TUSC3: variants seen among roughly 807,000 people sequenced by gnomAD.
TUSC3 encodes the protein tumor suppressor candidate 3, also known as dolichyl-diphosphooligosaccharide--protein glycosyltransferase subunit TUSC3.
A neutral mutation model predicts 44.8 loss-of-function variants in TUSC3; 45 were observed. The observed-to-expected ratio is 1.00, with a 90% CI of 0.79 to 1.29. TUSC3 has a LOEUF of 1.29. TUSC3 is among the 50% of genes most tolerant of loss of function. TUSC3 has a pLI of 0.00. For missense variants in TUSC3, 519 were observed against 437.9 expected, an observed-to-expected ratio of 1.19 and a Z score of -1.65; for synonymous variants, 212 against 152.9, an observed-to-expected ratio of 1.39 and a Z score of -2.85.
At chr8:15,736,018 A>G (rs112615339) in intron 7 of TUSC3, among the ~76,000 whole-genome samples, 3,642 of 151,754 alleles carry the variant, frequency 0.024, 142 homozygotes, top group African/African-American at 0.083. Flanking sequence ...ATGAGCCACC[A>G]CGCCCGGCGA....
chr8:15,657,610 C>A (rs1037832232), intron 3 of TUSC3, among the ~76,000 whole-genome samples: 1 of 152,190 alleles, frequency 6.6e-6, no homozygotes, highest in African/African-American at 2.4e-5. Flanking sequence ...TGCACCTCCC[C>A]TCTTCTTCTG....
intron 5 of TUSC3, among the ~76,000 whole-genome samples, chr8:15,669,385 A>G (rs754200889): frequency 2.0e-5 from 3 of 151,816 alleles, no homozygotes; most frequent in South Asian, 2.1e-4. Flanking sequence ...AAGTGCCTCT[A>G]TTGTCTGAAG....
chr8:15,773,166 A>T, the TUSC3 span, among the ~76,000 whole-genome samples: 1 of 152,322 alleles, frequency 6.6e-6, no homozygotes, highest in Non-Finnish European at 1.5e-5. Flanking sequence ...AAAGACAACC[A>T]AATTGGAAAG....
At chr8:15,828,562 C>G in the TUSC3 span, among the ~76,000 whole-genome samples, 1 of 152,186 alleles carries the variant, frequency 6.6e-6, no homozygotes, top group East Asian at 1.9e-4. Flanking sequence ...TTGGTTTGTT[C>G]ATATCTTTAC....
chr8:15,713,066 T>G (rs1426101485), intron 6 of TUSC3, among the ~76,000 whole-genome samples: 1 of 152,208 alleles, frequency 6.6e-6, no homozygotes, highest in Non-Finnish European at 1.5e-5. Flanking sequence ...ATATTTTTGC[T>G]TTTCTTTAAA....
intron 1 of TUSC3, among the ~76,000 whole-genome samples, chr8:15,612,422 A>G (rs1410514356): frequency 1.3e-5 from 2 of 152,126 alleles, no homozygotes; most frequent in African/African-American, 2.4e-5. Flanking sequence ...GGAATGAACC[A>G]TTGTATTACG....
the TUSC3 span, among the ~76,000 whole-genome samples, chr8:15,780,813 C>T: frequency 6.6e-6 from 1 of 151,560 alleles, no homozygotes; most frequent in Admixed American, 6.6e-5. Flanking sequence ...TGCTAAATCT[C>T]CTAGCTCTAG....
intron 2 of TUSC3, among the ~76,000 whole-genome samples, chr8:15,634,953 A>G (rs1276320739): frequency 6.6e-6 from 1 of 152,194 alleles, no homozygotes; most frequent in East Asian, 1.9e-4. Context: ...GCTTAGTGTG[A>G]AGTACACTCA....
chr8:15,686,672 T>C (rs993336559), intron 6 of TUSC3, among the ~76,000 whole-genome samples: 2 of 152,136 alleles, frequency 1.3e-5, no homozygotes, highest in Non-Finnish European at 2.9e-5. Flanking sequence ...ATAATTATTA[T>C]ATTTTCAACA....
chr8:15,730,652 G>A lies in TUSC3; in HGVS notation c.799-14G>A. 1 of 1,612,146 alleles carries A rather than the reference G, an allele frequency of 6.2e-7. No homozygotes were observed. Among genetic ancestry groups the A allele is most frequent in the Non-Finnish European group, 8.5e-7 (1 of 1,178,908 alleles). ...CTTTCTCAGACTGTAATTTCTGTTTGTCTTCTTTTATAGAGCTACATTCAT... is the reference window on the plus strand; with the variant it reads ...CTTTCTCAGACTGTAATTTCTGTTTATCTTCTTTTATAGAGCTACATTCAT... On this transcript the variant is annotated splice_polypyrimidine_tract_variant and intron_variant, in intron 6 of 10. Coordinates refer to ENST00000503731, the MANE Select transcript of TUSC3 (RefSeq NM_006765.4).
intron 6 of TUSC3, among the ~76,000 whole-genome samples, chr8:15,711,798 T>G (rs1386038393): frequency 6.6e-6 from 1 of 151,910 alleles, no homozygotes; most frequent in Non-Finnish European, 1.5e-5. Context: ...AGCTTTCCAC[T>G]TGAGAATTTT....
chr8:15,669,859 C>T (rs1407791848), intron 5 of TUSC3, among the ~76,000 whole-genome samples: 1 of 151,494 alleles, frequency 6.6e-6, no homozygotes, highest in Non-Finnish European at 1.5e-5. Flanking sequence ...CACACACATC[C>T]CGGTAAAAAT....
the TUSC3 span, among the ~76,000 whole-genome samples, chr8:15,800,177 C>G: frequency 3.9e-5 from 6 of 152,178 alleles, no homozygotes; most frequent in African/African-American, 1.4e-4. Flanking sequence ...ATCAGTGCCA[C>G]GCTCACAAAA....
intron 2 of TUSC3, among the ~76,000 whole-genome samples, chr8:15,509,700 A>C (rs60804030): frequency 0.13 from 19,635 of 152,150 alleles, 1,354 homozygotes; most frequent in East Asian, 0.19. Context: ...TGTACTTCTT[A>C]ATATTTTGGA....
chr8:15,473,971 C>T (rs957414354), intron 1 of TUSC3, among the ~76,000 whole-genome samples: 2 of 152,178 alleles, frequency 1.3e-5, no homozygotes, highest in Admixed American at 6.5e-5. Flanking sequence ...GAGACCAGGG[C>T]GTATTTTGGT....
intron 8 of TUSC3, 54 bp from the exon 9 acceptor site, chr8:15,748,321 G>T: frequency 7.8e-7 from 1 of 1,275,614 alleles, no homozygotes; most frequent in Non-Finnish European, 1.1e-6. Context: ...ATAAACAATT[G>T]GGGTTTCATT....
rs375118908 is a variant in TUSC3 at position 15,483,816 on chromosome 8, C to T, written n.189+333C>T. ...GACTACAGGCGCCAGCCACAATGCC[C>T]GGCTAATTTTTTTTGTATTTTTAGT... On this transcript the variant is annotated intron_variant and non_coding_transcript_variant, in intron 2 of 5. Transcript: ENST00000503191. Among the ~76,000 whole-genome samples the T allele has an allele frequency of 3.6e-3, 540 of 151,634 alleles. 1 individual carries two copies. Among genetic ancestry groups the T allele is most frequent in the African/African-American group, 0.011 (474 of 41,310 alleles).
chr8:15,850,097 A>C, the TUSC3 span, among the ~76,000 whole-genome samples: 1 of 140,102 alleles, frequency 7.1e-6, no homozygotes, highest in Non-Finnish European at 1.5e-5. Context: ...TCAAACTCTT[A>C]GATCTTGTTT....
chr8:15,453,137 G>C (rs1333569983), intron 1 of TUSC3, among the ~76,000 whole-genome samples: 1 of 152,068 alleles, frequency 6.6e-6, no homozygotes, highest in Non-Finnish European at 1.5e-5. Context: ...TTTTTGTAAA[G>C]GCCAACACAC....
Sources: allele counts gnomAD v4.1 joint callset (sites outside exome capture counted in the v4.1 genomes callset), GRCh38; gene constraint gnomAD v4.1.1; transcripts MANE v1.5; gene names NCBI Gene and HGNC (gene_info 2026-07-23, HGNC 2026-07-21).